ELOVL4: variants seen among roughly 807,000 people sequenced by gnomAD.
ELOVL4 encodes very long chain fatty acid elongase 4.
In ELOVL4, 18 loss-of-function variants were observed where a neutral mutation model predicts 42.1. The ratio of observed to expected loss-of-function variants is 0.43; its 90% CI spans 0.30 to 0.63. The LOEUF (loss-of-function observed/expected upper bound fraction) is 0.63. ELOVL4 is among the 30% of genes least tolerant of loss of function. ELOVL4 has a pLI of 0.15. For synonymous variants in ELOVL4, 117 were observed against 127.0 expected, an observed-to-expected ratio of 0.92 and a Z score of 0.53; for missense variants, 299 against 376.2, an observed-to-expected ratio of 0.79 and a Z score of 1.70.
At chr6:79,923,823 C>T (rs1774298386) in intron 3 of ELOVL4, among the ~76,000 whole-genome samples, 1 of 152,018 alleles carries the variant, frequency 6.6e-6, no homozygotes, top group Admixed American at 6.6e-5. Flanking sequence ...TTTCATCAGT[C>T]CATAAGTCTT....
chr6:79,923,925 T>G (rs1260510723), intron 3 of ELOVL4, among the ~76,000 whole-genome samples: 2 of 152,170 alleles, frequency 1.3e-5, no homozygotes, highest in African/African-American at 2.4e-5. Context: ...ATTTATATAT[T>G]GTCCACTCCC....
intron 1 of ELOVL4, among the ~76,000 whole-genome samples, chr6:79,933,276 A>C (rs1774482813): frequency 6.6e-6 from 1 of 152,078 alleles, no homozygotes; most frequent in Non-Finnish European, 1.5e-5. Flanking sequence ...TGTTGCCCAG[A>C]CTAGAATGCA....
At chr6:79,926,155 T>C (rs779064080) in intron 2 of ELOVL4, 39 bp downstream of exon 2, 1 of 1,555,282 alleles carries the variant, frequency 6.4e-7, no homozygotes, top group Admixed American at 1.7e-5. Context: ...AAATTTCCAA[T>C]AACCTTGGAA....
At position 79,916,988 on chromosome 6, in the gene ELOVL4, C is replaced by T. The variant is rs1329104561; in HGVS notation, c.670-105G>A. 4.5e-6 allele frequency: 6 copies of T among 1,328,098 alleles called. No individual in the cohort carries two copies. The East Asian group carries it at 9.8e-5, about 22-fold the overall frequency. 82.3% of individuals were successfully genotyped at this position (1,328,098 alleles called of 1,614,324 possible). A position where few individuals can be genotyped will look rare whatever the true frequency, so the allele number is the denominator to read the frequency against. ...GCTATCACAGGCCCAAATTTTGCCA[C>T]ACTGTGCAAAATTTATTGTTTTCTG... On this transcript the variant is annotated intron_variant, in intron 5 of 5. Coordinates refer to ENST00000369816, the MANE Select transcript of ELOVL4 (RefSeq NM_022726.4).
intron 1 of ELOVL4, among the ~76,000 whole-genome samples, chr6:79,945,183 G>A (rs1774718523): frequency 6.6e-6 from 1 of 152,040 alleles, no homozygotes. Context: ...GCCTACATAA[G>A]GTAGCTCATT....
intron 1 of ELOVL4, among the ~76,000 whole-genome samples, chr6:79,931,671 C>T (rs958606908): frequency 6.6e-6 from 1 of 152,000 alleles, no homozygotes; most frequent in African/African-American, 2.4e-5. Context: ...AAAGCCATGA[C>T]ACAGAATAAG....
At chr6:79,931,164 A>G (rs1774436259) in intron 1 of ELOVL4, among the ~76,000 whole-genome samples, 1 of 152,122 alleles carries the variant, frequency 6.6e-6, no homozygotes, top group East Asian at 1.9e-4. Context: ...TTGTTTATCA[A>G]ATTATTTTTA....
chr6:79,947,161 G>A lies in ELOVL4; in HGVS notation c.100+19C>T, dbSNP rs1774761786. The A allele has an allele frequency of 3.1e-6, 5 of 1,603,294 alleles. No homozygotes were observed. The highest frequency in any genetic ancestry group is 3.4e-6 in the Non-Finnish European group (4 of 1,172,666). On this transcript the variant is annotated intron_variant, in intron 1 of 5. Transcript: ENST00000369816. ...CCCCGCGGGGGACCGAGCGAGGATG[G>A]GGAAGTCAGCGGCTTTACCTGCGAT...
intron 4 of ELOVL4, 152 bp from the exon 5 acceptor site, chr6:79,919,699 A>G (rs1269055612): frequency 8.5e-6 from 6 of 703,594 alleles, no homozygotes; most frequent in Middle Eastern, 4.0e-4. Context: ...ACTAATGAAA[A>G]AGTTTTCCCT....
intron 1 of ELOVL4, among the ~76,000 whole-genome samples, chr6:79,944,666 A>G (rs1366606881): frequency 6.6e-6 from 1 of 152,214 alleles, no homozygotes; most frequent in African/African-American, 2.4e-5. Context: ...ATATAATAGC[A>G]CAAAATGGCA....
At chr6:79,932,694 T>C (rs981351909) in intron 1 of ELOVL4, among the ~76,000 whole-genome samples, 4 of 152,220 alleles carry the variant, frequency 2.6e-5, no homozygotes, top group Admixed American at 2.0e-4. Context: ...CAAAGTCATA[T>C]ACTACTCCTT....
At chr6:79,923,971 T>C (rs374840145) in intron 3 of ELOVL4, among the ~76,000 whole-genome samples, 6 of 152,222 alleles carry the variant, frequency 3.9e-5, no homozygotes, top group African/African-American at 1.2e-4. Context: ...GGGAAGCCAC[T>C]AGATATTATT....
chr6:79,939,028 A>G (rs544639021), intron 1 of ELOVL4, among the ~76,000 whole-genome samples: 3 of 152,376 alleles, frequency 2.0e-5, no homozygotes, highest in East Asian at 3.9e-4. Context: ...TTCAAGGCCT[A>G]TCTCCCAGAG....
At chr6:79,945,931 A>C (rs1774732956) in intron 1 of ELOVL4, among the ~76,000 whole-genome samples, 1 of 152,252 alleles carries the variant, frequency 6.6e-6, no homozygotes, top group African/African-American at 2.4e-5. Context: ...TTTCTAAAGA[A>C]GTGAATGCAG....
chr6:79,926,294 C>A lies in ELOVL4; in HGVS notation c.188G>T (p.Gly63Val). The stretch of plus-strand genomic sequence containing the variant: ...TTCTCGGTCCTTCATCCATTTTGGA[C>A]CCAGCCACACAAACAGGAGATAAAG... ...STLYLLFVWLGPKWMKDREPF... is the reference protein window; with the variant it reads ...STLYLLFVWLVPKWMKDREPF... Residue 63 changes from glycine (G) to valine (V), a missense_variant, in exon 2 of 6, where the codon GGT becomes GTT. Coordinates refer to ENST00000369816, the MANE Select transcript of ELOVL4 (RefSeq NM_022726.4). The A allele has an allele frequency of 6.2e-7, 1 of 1,613,916 alleles. No homozygotes were observed. The highest frequency in any genetic ancestry group is 8.5e-7 in the Non-Finnish European group (1 of 1,179,952).
chr6:79,919,308 A>C, intron 5 of ELOVL4, 112 bp downstream of exon 5: 1 of 1,263,458 alleles, frequency 7.9e-7, no homozygotes, highest in African/African-American at 1.5e-5. Flanking sequence ...CTGGAGGATA[A>C]AGTTAATTTC....
At chr6:79,939,836 G>A (rs1774616977) in intron 1 of ELOVL4, among the ~76,000 whole-genome samples, 1 of 152,142 alleles carries the variant, frequency 6.6e-6, no homozygotes, top group Admixed American at 6.5e-5. Context: ...GTCCATATAA[G>A]TGGAACCATA....
At chr6:79,939,948 C>G (rs1774618894) in intron 1 of ELOVL4, among the ~76,000 whole-genome samples, 1 of 152,200 alleles carries the variant, frequency 6.6e-6, no homozygotes, top group African/African-American at 2.4e-5. Context: ...CTTTTTAAGA[C>G]TGAATAATAT....
Position 79,925,435 on chromosome 6 carries a change from T to G in ELOVL4, c.289-403A>C, listed in dbSNP as rs936738076. Among the ~76,000 whole-genome samples the G allele has an allele frequency of 2.6e-5, 4 of 152,308 alleles. No homozygotes were observed. In the East Asian group the frequency reaches 7.7e-4, roughly 29 times the overall value. On this transcript the variant is annotated intron_variant, in intron 2 of 5. Transcript: ENST00000369816. ...ATTAAAGTGTTCATGAAGTTGAGAC[T>G]CGAGGCTAAGTTTTCAAGTAAAGAA... is the stretch of plus-strand genomic sequence containing the variant.
Sources: gnomAD v4.1 joint callset for allele counts (sites outside exome capture counted in the v4.1 genomes callset) on GRCh38, gnomAD v4.1.1 for gene constraint, MANE v1.5 for transcripts, NCBI Gene and HGNC (gene_info 2026-07-23, HGNC 2026-07-21) for gene names.